TMEM232: variants seen among roughly 807,000 people sequenced by gnomAD.
TMEM232 encodes transmembrane protein 232.
Under a neutral mutation model 78.8 loss-of-function variants are expected in TMEM232, and 80 were observed. The observed-to-expected ratio is 1.01, with a 90% CI of 0.85 to 1.22. TMEM232 has a LOEUF of 1.22. Ranked by LOEUF, TMEM232 falls within the 50% of genes most tolerant of loss-of-function variation. The pLI, the probability that TMEM232 is intolerant of heterozygous loss-of-function variation, is 0.00. For synonymous variants in TMEM232, 297 were observed against 254.3 expected (o/e 1.17, Z -1.60); for missense variants, 881 against 742.2 (o/e 1.19, Z -2.17).
intron 12 of TMEM232, among the ~76,000 whole-genome samples, chr5:110,517,112 C>A (rs984341420): frequency 6.6e-6 from 1 of 152,102 alleles, no homozygotes; most frequent in Non-Finnish European, 1.5e-5. Context: ...TATAGGCACG[C>A]TAAATGAGGA....
At chr5:110,397,206 C>T (rs760852294) in intron 3 of TMEM232, among the ~76,000 whole-genome samples, 9 of 152,156 alleles carry the variant, frequency 5.9e-5, no homozygotes, top group Non-Finnish European at 1.3e-4. Context: ...GCACCTGAGT[C>T]AACTTGATTA....
chr5:110,554,138 G>T (rs1340225370), intron 11 of TMEM232, among the ~76,000 whole-genome samples: 1 of 152,156 alleles, frequency 6.6e-6, no homozygotes, highest in Non-Finnish European at 1.5e-5. Flanking sequence ...GTCTGTGAGG[G>T]TGTTGCCAAA....
chr5:110,495,399 C>G (rs7716968), intron 12 of TMEM232, among the ~76,000 whole-genome samples: 6,133 of 151,842 alleles, frequency 0.04, 361 homozygotes, highest in African/African-American at 0.13. Flanking sequence ...AAAGTTATCC[C>G]AGGTAGTTCT....
chr5:110,586,372 A>G (rs1004263031), intron 10 of TMEM232, among the ~76,000 whole-genome samples: 5 of 151,900 alleles, frequency 3.3e-5, no homozygotes, highest in African/African-American at 4.8e-5. Flanking sequence ...ACTGTGCTCT[A>G]TTTTCTCCTA....
At chr5:110,397,429 C>A (rs1465491595) in intron 3 of TMEM232, among the ~76,000 whole-genome samples, 1 of 152,094 alleles carries the variant, frequency 6.6e-6, no homozygotes, top group Non-Finnish European at 1.5e-5. Context: ...AAGCATGTTT[C>A]TTTTCTTTGT....
intron 1 of TMEM232, among the ~76,000 whole-genome samples, chr5:110,702,147 G>A (rs952730623): frequency 1.3e-5 from 2 of 151,866 alleles, no homozygotes; most frequent in African/African-American, 2.4e-5. Context: ...AACATCAGAA[G>A]AACAAAGAGC....
At chr5:110,511,408 G>A (rs79897601) in intron 12 of TMEM232, among the ~76,000 whole-genome samples, 6,066 of 150,978 alleles carry the variant, frequency 0.04, 196 homozygotes, top group African/African-American at 0.085. Flanking sequence ...AAACCTGCAC[G>A]CTCTGTGCAT....
intron 12 of TMEM232, among the ~76,000 whole-genome samples, chr5:110,463,786 G>T (rs1230236708): frequency 1.3e-5 from 2 of 152,018 alleles, no homozygotes; most frequent in East Asian, 1.9e-4. Context: ...CACTTCTCCT[G>T]CCCTACTCCA....
chr5:110,419,100 T>G (rs982400129), downstream of TMEM232, among the ~76,000 whole-genome samples: 1 of 151,752 alleles, frequency 6.6e-6, no homozygotes, highest in African/African-American at 2.4e-5. Context: ...AGATAGTGAA[T>G]AGTTGATGGA....
chr5:110,621,173 T>C (rs1441495201), intron 7 of TMEM232, among the ~76,000 whole-genome samples: 1 of 151,882 alleles, frequency 6.6e-6, no homozygotes, highest in Non-Finnish European at 1.5e-5. Flanking sequence ...CATCAAGCAA[T>C]CTTCAGCAAG....
intron 12 of TMEM232, among the ~76,000 whole-genome samples, chr5:110,440,913 T>C (rs1391436297): frequency 3.3e-5 from 5 of 152,292 alleles, no homozygotes; most frequent in African/African-American, 9.6e-5. Flanking sequence ...ACATGTCCGA[T>C]GCAGTTCAAT....
upstream of TMEM232, chr5:110,738,858 T>C: frequency 1.4e-6 from 1 of 736,116 alleles, no homozygotes; most frequent in Non-Finnish European, 2.1e-6. Flanking sequence ...CACAACCATA[T>C]TCCCACCTAT....
At chr5:110,529,848 G>A (rs933191249) in intron 11 of TMEM232, among the ~76,000 whole-genome samples, 1 of 152,160 alleles carries the variant, frequency 6.6e-6, no homozygotes, top group African/African-American at 2.4e-5. Flanking sequence ...AAATGAAAAT[G>A]TAAGTAAAAG....
intron 5 of TMEM232, among the ~76,000 whole-genome samples, chr5:110,633,247 C>T (rs929428074): frequency 4.6e-5 from 7 of 152,018 alleles, no homozygotes; most frequent in African/African-American, 4.8e-5. Context: ...GAGTTCTAAA[C>T]CTGGAAGAGG....
intron 12 of TMEM232, among the ~76,000 whole-genome samples, chr5:110,483,791 C>T (rs1055091884): frequency 2.3e-4 from 35 of 152,096 alleles, no homozygotes; most frequent in African/African-American, 7.7e-4. Context: ...TTTGACCCAG[C>T]AATTTCATTA....
Position 110,420,619 on chromosome 5 carries a change from G to A in TMEM232, c.1935C>T (p.Thr645=). The stretch of plus-strand genomic sequence containing the variant: ...TCCTATAAGGAAGTTCATAGGGCTT[G>A]GTTTGCTTATGTAGTTTCTCTTCTC... ...KKREEKLHKQ[T]KPYELPYRKE... Residue 645 remains threonine (T), a synonymous_variant, in exon 14 of 14, where the codon ACC becomes ACT. Coordinates refer to ENST00000455884, the MANE Select transcript of TMEM232 (RefSeq NM_001039763.4). The A allele has an allele frequency of 6.6e-7, 1 of 1,506,120 alleles. No individual in the cohort carries two copies. The highest frequency in any genetic ancestry group is 2.5e-5 in the East Asian group (1 of 39,316). The allele number at this position is 1,506,120 out of a possible 1,614,324, so 93.3% of individuals were successfully genotyped here.
intron 12 of TMEM232, among the ~76,000 whole-genome samples, chr5:110,475,449 T>TTTA: frequency 6.8e-6 from 1 of 148,030 alleles, no homozygotes; most frequent in South Asian, 2.1e-4. Context: ...ACTTTGATTT[T>TTTA]TTTTTTTTTT....
At chr5:110,641,221 T>C (rs990301147) in intron 3 of TMEM232, among the ~76,000 whole-genome samples, 4 of 152,172 alleles carry the variant, frequency 2.6e-5, no homozygotes, top group Non-Finnish European at 5.9e-5. Context: ...TTACAAGTAA[T>C]ATCATTAGCT....
intron 11 of TMEM232, among the ~76,000 whole-genome samples, chr5:110,567,898 T>G (rs116368280): frequency 0.012 from 1,888 of 152,010 alleles, 39 homozygotes; most frequent in African/African-American, 0.043. Context: ...AAAATGCCCC[T>G]TGCCCCTCCT....
Sources: allele counts gnomAD v4.1 joint callset (sites outside exome capture counted in the v4.1 genomes callset), GRCh38; gene constraint gnomAD v4.1.1; transcripts MANE v1.5; gene names NCBI Gene and HGNC (gene_info 2026-07-23, HGNC 2026-07-21).